ARHGAP15: variants seen among roughly 807,000 people sequenced by gnomAD.
The protein encoded by ARHGAP15 is rho GTPase-activating protein 15.
A neutral mutation model predicts 63.7 loss-of-function variants in ARHGAP15; 51 were observed. The observed-to-expected ratio is 0.80, with a 90% CI of 0.64 to 1.01. The LOEUF (loss-of-function observed/expected upper bound fraction) is 1.01, where lower values mean the gene tolerates loss of function less well. Among genes scored for constraint, ARHGAP15 ranks in the 50% least tolerant of loss-of-function variants. The pLI is 0.00. For synonymous variants in ARHGAP15, 191 were observed against 193.8 expected (o/e 0.99, Z 0.12); for missense variants, 560 against 564.6 (o/e 0.99, Z 0.08).
At chr2:143,361,504 T>C (rs1351356381) in intron 6 of ARHGAP15, among the ~76,000 whole-genome samples, 2 of 152,186 alleles carry the variant, frequency 1.3e-5, no homozygotes, top group African/African-American at 4.8e-5. Flanking sequence ...ATCTTGATGT[T>C]AATGGTCACA....
At chr2:143,226,773 A>G (rs1455887945) in intron 4 of ARHGAP15, among the ~76,000 whole-genome samples, 1 of 152,210 alleles carries the variant, frequency 6.6e-6, no homozygotes, top group African/African-American at 2.4e-5. Context: ...AAAAATACAC[A>G]TTGTGCTTCT....
intron 12 of ARHGAP15, among the ~76,000 whole-genome samples, chr2:143,696,021 A>G (rs1683829624): frequency 6.6e-6 from 1 of 152,204 alleles, no homozygotes; most frequent in Non-Finnish European, 1.5e-5. Flanking sequence ...ATGTATCAAG[A>G]AGTTAAGCAT....
chr2:143,617,477 A>G (rs553993865), intron 11 of ARHGAP15, among the ~76,000 whole-genome samples: 2 of 152,198 alleles, frequency 1.3e-5, no homozygotes, highest in Admixed American at 1.3e-4. Context: ...TAGGCAGTCA[A>G]TTTCCTCCTG....
At chr2:143,761,144 G>A (rs940283792) in intron 13 of ARHGAP15, among the ~76,000 whole-genome samples, 21 of 152,164 alleles carry the variant, frequency 1.4e-4, no homozygotes, top group African/African-American at 5.1e-4. Context: ...CATATGGTTA[G>A]CATAGATCCC....
intron 8 of ARHGAP15, among the ~76,000 whole-genome samples, chr2:143,473,489 T>C (rs1691673553): frequency 6.6e-6 from 1 of 152,186 alleles, no homozygotes; most frequent in Admixed American, 6.5e-5. Context: ...TCTCTTTTAC[T>C]CTTGGTTCTG....
intron 12 of ARHGAP15, among the ~76,000 whole-genome samples, chr2:143,689,975 G>A (rs1421627723): frequency 1.3e-5 from 2 of 152,222 alleles, no homozygotes; most frequent in Non-Finnish European, 2.9e-5. Flanking sequence ...CTGGTGAGAA[G>A]GGGCAGAAGG....
At chr2:143,651,776 T>C (rs1172877169) in intron 12 of ARHGAP15, among the ~76,000 whole-genome samples, 1 of 151,960 alleles carries the variant, frequency 6.6e-6, no homozygotes, top group East Asian at 1.9e-4. Context: ...GTACAGGTAT[T>C]ACATTGTGGT....
chr2:143,642,305 G>T (rs1431212343), intron 12 of ARHGAP15, among the ~76,000 whole-genome samples: 2 of 151,874 alleles, frequency 1.3e-5, no homozygotes, highest in African/African-American at 2.4e-5. Context: ...TGTTGGGGGG[G>T]ATTTCAGAAT....
chr2:143,220,767 CTTCAT>C (rs895766928), intron 4 of ARHGAP15, among the ~76,000 whole-genome samples: 2 of 152,050 alleles, frequency 1.3e-5, no homozygotes, highest in African/African-American at 4.8e-5. Flanking sequence ...ATTTGATAGC[CTTCAT>C]TTCATTTATC....
At chr2:143,626,253 G>A (rs779112389) in intron 12 of ARHGAP15, among the ~76,000 whole-genome samples, 1 of 152,184 alleles carries the variant, frequency 6.6e-6, no homozygotes, top group African/African-American at 2.4e-5. Context: ...GTAAGAGGGT[G>A]CACAAACAGT....
At chr2:143,309,437 G>T (rs1683333682) in intron 6 of ARHGAP15, among the ~76,000 whole-genome samples, 1 of 151,992 alleles carries the variant, frequency 6.6e-6, no homozygotes, top group Non-Finnish European at 1.5e-5. Flanking sequence ...CACTTACTTG[G>T]ATAGTTATTT....
intron 2 of ARHGAP15, among the ~76,000 whole-genome samples, chr2:143,180,817 G>T (rs1294975047): frequency 6.6e-6 from 1 of 152,012 alleles, no homozygotes; most frequent in Non-Finnish European, 1.5e-5. Flanking sequence ...GGGACTACAG[G>T]CGCCCACCAA....
intron 6 of ARHGAP15, among the ~76,000 whole-genome samples, chr2:143,323,894 CAAAAAAAAAAA>C (rs55804357): frequency 9.6e-4 from 25 of 26,170 alleles, no homozygotes; most frequent in African/African-American, 4.0e-3. Context: ...GACTCCGTCT[CAAAAAAAAAAA>C]AAAAAAAAAA....
intron 12 of ARHGAP15, among the ~76,000 whole-genome samples, chr2:143,682,280 T>C (rs1030760214): frequency 3.4e-5 from 5 of 147,650 alleles, no homozygotes; most frequent in Non-Finnish European, 6.0e-5. Flanking sequence ...AAACTAACGC[T>C]GTAACCTTAG....
chr2:143,370,464 A>C (rs1420844160), intron 6 of ARHGAP15, among the ~76,000 whole-genome samples: 1 of 152,254 alleles, frequency 6.6e-6, no homozygotes, highest in East Asian at 1.9e-4. Flanking sequence ...TAACCTGCAC[A>C]TTGTGCACAT....
intron 6 of ARHGAP15, among the ~76,000 whole-genome samples, chr2:143,377,558 T>A (rs1686873126): frequency 6.6e-6 from 1 of 151,960 alleles, no homozygotes; most frequent in Non-Finnish European, 1.5e-5. Context: ...TTTTGTTTCC[T>A]ATTTTTTTTC....
At chr2:143,688,909 A>G (rs1260820999) in intron 12 of ARHGAP15, among the ~76,000 whole-genome samples, 1 of 152,178 alleles carries the variant, frequency 6.6e-6, no homozygotes, top group Non-Finnish European at 1.5e-5. Flanking sequence ...GCCAGAATAT[A>G]TCAAGATAGT....
intron 8 of ARHGAP15, among the ~76,000 whole-genome samples, chr2:143,453,279 G>A (rs1339926277): frequency 2.6e-5 from 4 of 152,068 alleles, no homozygotes; most frequent in Non-Finnish European, 4.4e-5. Context: ...GTAGCATCCG[G>A]CTTCTGGAGT....
intron 6 of ARHGAP15, among the ~76,000 whole-genome samples, chr2:143,345,783 A>G (rs1387799223): frequency 1.3e-5 from 2 of 152,102 alleles, no homozygotes; most frequent in Non-Finnish European, 2.9e-5. Context: ...AGAATTGTAC[A>G]TATATGTGAT....
Sources: allele counts gnomAD v4.1 joint callset (sites outside exome capture counted in the v4.1 genomes callset), GRCh38; gene constraint gnomAD v4.1.1; transcripts MANE v1.5; gene names NCBI Gene and HGNC (gene_info 2026-07-23, HGNC 2026-07-21).